Variants in MRPL48 observed in about 807,000 individuals in gnomAD.
MRPL48 encodes the protein large ribosomal subunit protein mL48.
A neutral mutation model predicts 32.9 loss-of-function variants in MRPL48; 16 were observed. That is an observed-to-expected ratio of 0.49 (90% CI 0.33 to 0.74). MRPL48 has a LOEUF of 0.74. Among genes scored for constraint, MRPL48 ranks in the 30% least tolerant of loss-of-function variants. The pLI is 0.02. For synonymous variants in MRPL48, 94 were observed against 89.2 expected (o/e 1.05, Z -0.31); for missense variants, 206 against 245.3 (o/e 0.84, Z 1.07).
In MRPL48 at chr11:73,864,712, T is replaced by G. The variant is rs1948640820; in HGVS notation, c.*342T>G. The G allele has an allele frequency of 3.8e-6, 1 of 261,064 alleles. No homozygotes were observed. Among genetic ancestry groups the G allele is most frequent in the Non-Finnish European group, 7.4e-6 (1 of 135,122 alleles). The allele number at this position is 261,064 out of a possible 1,614,324, so 16.2% of individuals were successfully genotyped here. The stretch of plus-strand genomic sequence containing the variant: ...TGGTGCATCCCTGTAATCCCAGCAC[T>G]TTGCGAGGCCGAGGCAGGAGGACTG... On this transcript the variant is annotated 3_prime_UTR_variant, in exon 8 of 8. Transcript: ENST00000310614.
chr11:73,850,747 A>G (rs1046219153), intron 5 of MRPL48: 3 of 209,028 alleles, frequency 1.4e-5, no homozygotes, highest in Non-Finnish European at 2.8e-5. Context: ...CGCGATCTCG[A>G]CTCACTGCAA....
intron 1 of MRPL48, among the ~76,000 whole-genome samples, chr11:73,802,765 T>G (rs2134956481): frequency 6.6e-6 from 1 of 152,200 alleles, no homozygotes; most frequent in South Asian, 2.1e-4. Flanking sequence ...AATGGCACAG[T>G]CACGGCTTAT....
intron 4 of MRPL48, among the ~76,000 whole-genome samples, chr11:73,827,269 A>G (rs972519102): frequency 6.6e-6 from 1 of 151,874 alleles, no homozygotes; most frequent in African/African-American, 2.4e-5. Context: ...CTGTAATCCC[A>G]ACTACTCGGA....
intron 1 of MRPL48, among the ~76,000 whole-genome samples, chr11:73,790,401 T>G (rs1947129171): frequency 8.3e-6 from 1 of 120,624 alleles, no homozygotes; most frequent in Non-Finnish European, 1.7e-5. Flanking sequence ...TTTTTTTTTT[T>G]TGAGACAGCG....
chr11:73,793,728 G>T (rs767299651), intron 1 of MRPL48, among the ~76,000 whole-genome samples: 8 of 152,000 alleles, frequency 5.3e-5, no homozygotes, highest in Admixed American at 2.0e-4. Flanking sequence ...TGAGGTAAGG[G>T]ATTGGATTTA....
At chr11:73,839,653 T>C (rs981374387) in intron 4 of MRPL48, among the ~76,000 whole-genome samples, 6 of 152,158 alleles carry the variant, frequency 3.9e-5, no homozygotes, top group Non-Finnish European at 7.4e-5. Context: ...TAGATCTAAA[T>C]GTAAATATTA....
intron 5 of MRPL48, among the ~76,000 whole-genome samples, chr11:73,848,175 GT>G (rs796896154): frequency 3.3e-4 from 48 of 146,642 alleles, no homozygotes; most frequent in African/African-American, 5.5e-4. Context: ...ATGGGTCAAA[GT>G]TTTTTTTTTT....
intron 4 of MRPL48, among the ~76,000 whole-genome samples, chr11:73,843,520 G>A (rs892807619): frequency 2.6e-5 from 4 of 151,962 alleles, no homozygotes; most frequent in Admixed American, 1.3e-4. Context: ...CATCACGCCC[G>A]GCCTTCATTT....
chr11:73,825,605 C>T (rs931203869), intron 3 of MRPL48, 103 bp from the exon 4 acceptor site: 2 of 975,592 alleles, frequency 2.1e-6, no homozygotes, highest in East Asian at 2.8e-5. Context: ...TATGAGATGG[C>T]ATTACATCCC....
intron 7 of MRPL48, 28 bp from the exon 8 acceptor site, chr11:73,864,268 C>T (rs367577494): frequency 5.0e-6 from 8 of 1,604,138 alleles, no homozygotes; most frequent in Non-Finnish European, 6.8e-6. Flanking sequence ...GCAGTAATTA[C>T]CGCTTATTTT....
intron 3 of MRPL48, among the ~76,000 whole-genome samples, chr11:73,813,603 T>C (rs527420413): frequency 6.6e-6 from 1 of 152,336 alleles, no homozygotes; most frequent in East Asian, 1.9e-4. Context: ...CTTGTACTTT[T>C]TCTAGTCATT....
intron 4 of MRPL48, among the ~76,000 whole-genome samples, chr11:73,841,654 A>G (rs1188833718): frequency 2.0e-5 from 3 of 152,182 alleles, no homozygotes; most frequent in Non-Finnish European, 4.4e-5. Context: ...TTTTTAGGGT[A>G]CTGGTAATGT....
rs532394721 is a variant in MRPL48, at chr11:73,861,101, A to G, written c.474+1092A>G. ...CCCTTTTTTGATCCACTGAAGGAACATATCAGCAAGGTAATAAAATGAATA... is the reference window on the plus strand; with the variant it reads ...CCCTTTTTTGATCCACTGAAGGAACGTATCAGCAAGGTAATAAAATGAATA... On this transcript the variant is annotated intron_variant, in intron 6 of 7. Transcript: ENST00000310614. Among the ~76,000 whole-genome samples, 11 of 152,350 alleles carry G rather than the reference A, an allele frequency of 7.2e-5. No individual in the cohort carries two copies. The East Asian group carries it at 1.9e-3, about 27-fold the overall frequency.
intron 4 of MRPL48, among the ~76,000 whole-genome samples, chr11:73,834,568 C>A: frequency 6.7e-6 from 1 of 148,522 alleles, no homozygotes; most frequent in Non-Finnish European, 1.5e-5. Context: ...GAGTCTCGCT[C>A]TGTCACCCAG....
At chr11:73,790,591 A>G (rs1947133281) in intron 1 of MRPL48, among the ~76,000 whole-genome samples, 1 of 151,388 alleles carries the variant, frequency 6.6e-6, no homozygotes, top group Non-Finnish European at 1.5e-5. Flanking sequence ...TCACCGTGTT[A>G]GCTAGGATGG....
At chr11:73,845,188 C>A in intron 5 of MRPL48, 1 of 411,066 alleles carries the variant, frequency 2.4e-6, no homozygotes, top group East Asian at 4.1e-5. Flanking sequence ...CTTCCCCACT[C>A]AAGTCCCTGG....
intron 4 of MRPL48, among the ~76,000 whole-genome samples, chr11:73,837,437 C>T (rs1948123608): frequency 6.6e-6 from 1 of 152,224 alleles, no homozygotes; most frequent in African/African-American, 2.4e-5. Context: ...TCCTTTCTGG[C>T]TGTAACAGGC....
chr11:73,798,724 G>A (rs1431207056), intron 1 of MRPL48, among the ~76,000 whole-genome samples: 1 of 152,094 alleles, frequency 6.6e-6, no homozygotes, highest in East Asian at 1.9e-4. Context: ...GGATGTGGTG[G>A]CTCACACCTG....
intron 3 of MRPL48, among the ~76,000 whole-genome samples, chr11:73,815,516 AGTCAG>A (rs2134987207): frequency 7.1e-6 from 1 of 141,172 alleles, no homozygotes; most frequent in East Asian, 2.1e-4. Context: ...TTTTATTTGG[AGTCAG>A]GATCTCTCTT....
Sources: allele counts gnomAD v4.1 joint callset (sites outside exome capture counted in the v4.1 genomes callset), GRCh38; gene constraint gnomAD v4.1.1; transcripts MANE v1.5; gene names NCBI Gene and HGNC (gene_info 2026-07-23, HGNC 2026-07-21).